ZNF449: variants seen among roughly 807,000 people sequenced by gnomAD.
ZNF449 encodes zinc finger protein 449.
A neutral mutation model predicts 32.6 loss-of-function variants in ZNF449; 4 were observed. That is an observed-to-expected ratio of 0.12 (90% confidence interval 0.06 to 0.28). The LOEUF is 0.28. Ranked by LOEUF, ZNF449 falls within the 10% of genes least tolerant of loss-of-function variation. The pLI, the probability that ZNF449 is intolerant of heterozygous loss-of-function variation, is 1.00. For missense variants in ZNF449, 275 were observed against 383.2 expected, an observed-to-expected ratio of 0.72 and a Z score of 2.36; for synonymous variants, 123 against 132.2, an observed-to-expected ratio of 0.93 and a Z score of 0.48.
chrX:135,353,074 T>G (rs1310091332), intron 3 of ZNF449, among the ~76,000 whole-genome samples: 1 of 111,760 alleles, frequency 8.9e-6, no homozygotes, highest in Non-Finnish European at 1.9e-5. Context: ...CTTGTAGTTG[T>G]TGTGAAGATG....
chrX:135,356,716 G>A (rs1320859209), intron 3 of ZNF449, among the ~76,000 whole-genome samples: 2 of 111,494 alleles, frequency 1.8e-5, no homozygotes, highest in African/African-American at 6.5e-5. Context: ...TATTTCATAT[G>A]TTATATTTGT....
Position 135,363,139 on chromosome X carries a change from T to C in ZNF449, c.*2063T>C, listed in dbSNP as rs1046642. 686 of 112,415 alleles carry C rather than the reference T, an allele frequency of 6.1e-3. 6 individuals carry two copies. The highest frequency in any genetic ancestry group is 0.021 in the African/African-American group (664 of 30,949). 9.3% of individuals were successfully genotyped at this position (112,415 alleles called of 1,213,427 possible). On this transcript the variant is annotated 3_prime_UTR_variant, in exon 5 of 5. Coordinates refer to ENST00000339249, the MANE Select transcript of ZNF449 (RefSeq NM_152695.6). Reference sequence around the variant, plus strand: ...AATATTTGAATAAAGCGGAAATGTATGTGCTCTTCCTGCTTCACTTGCACT... The same window carrying C: ...AATATTTGAATAAAGCGGAAATGTACGTGCTCTTCCTGCTTCACTTGCACT...
At position 135,361,466 on chromosome X, in the gene ZNF449, G is replaced by A. The variant is rs1556454084; in HGVS notation, c.*390G>A. On this transcript the variant is annotated 3_prime_UTR_variant, in exon 5 of 5. Coordinates refer to ENST00000339249, the MANE Select transcript of ZNF449 (RefSeq NM_152695.6). ...ATTATAGCAGTACTATAGTTATTCTGCTGTCATTATTAAAGATGATTATAT... is the reference window on the plus strand; with the variant it reads ...ATTATAGCAGTACTATAGTTATTCTACTGTCATTATTAAAGATGATTATAT... 1 of 119,663 alleles carries A rather than the reference G, an allele frequency of 8.4e-6. No homozygotes were observed. The allele number at this position is 119,663 out of a possible 1,213,427, so 9.9% of individuals were successfully genotyped here.
Position 135,347,415 on chromosome X carries a change from AAG to A in ZNF449, c.300_301del (p.Arg100SerfsTer13). The A allele has an allele frequency of 8.3e-7, 1 of 1,212,016 alleles. No homozygotes were observed. The highest frequency in any genetic ancestry group is 1.1e-6 in the Non-Finnish European group (1 of 895,576). On this transcript the variant is annotated frameshift_variant, in exon 2 of 5. Transcript: ENST00000339249. LOFTEE classifies it high-confidence loss of function. ...VREHCPENRE[R>X]VVSLIEDLQR... ...GGGAGCACTGCCCAGAGAATAGAGA[AAG>A]AGTTGTGTCACTGATAGAAGACTTA...
rs1369535157 is a variant in ZNF449 at position 135,363,368 on chromosome X, C to A, written c.*2292C>A. Among the ~76,000 whole-genome samples the A allele has an allele frequency of 1.8e-5, 2 of 111,916 alleles. No homozygotes were observed. The highest frequency in any genetic ancestry group is 3.3e-5 in the African/African-American group (1 of 30,753). ...TCATAATATGAGTTGCATCCTCCCT[C>A]TCATTTATATCAAATATACTTGACT... On this transcript the variant is annotated 3_prime_UTR_variant, in exon 5 of 5. Coordinates refer to ENST00000339249, the MANE Select transcript of ZNF449 (RefSeq NM_152695.6).
intron 2 of ZNF449, chrX:135,348,120 T>C: frequency 7.7e-6 from 1 of 129,486 alleles, no homozygotes; most frequent in Admixed American, 8.6e-5. Context: ...CTGATAAAGC[T>C]CAAGTACTAC....
At chrX:135,349,374 A>AGGGTTG in intron 3 of ZNF449, 60 bp downstream of exon 3, 1 of 1,115,909 alleles carries the variant, frequency 9.0e-7, no homozygotes, top group Non-Finnish European at 1.2e-6. Flanking sequence ...GGAACTCTCA[A>AGGGTTG]GGGTTGGGGT....
At chrX:135,346,428 A>G (rs889016990) in intron 1 of ZNF449, among the ~76,000 whole-genome samples, 143 of 112,292 alleles carry the variant, frequency 1.3e-3, no homozygotes, top group African/African-American at 4.3e-3. Flanking sequence ...ATTAGGAGAT[A>G]CTTAAAGCTA....
chrX:135,350,003 A>AT (rs552605724), intron 3 of ZNF449, among the ~76,000 whole-genome samples: 2,741 of 81,725 alleles, frequency 0.034, 124 homozygotes, highest in African/African-American at 0.11. Flanking sequence ...GGGGTTTTCT[A>AT]TTTTTTTTTT....
chrX:135,346,344 A>T (rs1209886640), intron 1 of ZNF449, among the ~76,000 whole-genome samples: 2 of 112,164 alleles, frequency 1.8e-5, no homozygotes, highest in African/African-American at 6.5e-5. Flanking sequence ...CTCGGTGAGG[A>T]CAAGAATGAG....
chrX:135,347,485 T>C lies in ZNF449; in HGVS notation c.354+13T>C. The C allele has an allele frequency of 8.3e-7, 1 of 1,210,687 alleles. No individual in the cohort carries two copies. ...ACCAGAGCAGCAGGTAAGAAAAGAA[T>C]GTGGGATCTTTGTGATTGGTCCAAA... On this transcript the variant is annotated intron_variant, in intron 2 of 4. Coordinates refer to ENST00000339249, the MANE Select transcript of ZNF449 (RefSeq NM_152695.6).
At chrX:135,346,933 C>A in intron 1 of ZNF449, 86 bp from the exon 2 acceptor site, 2 of 365,787 alleles carry the variant, frequency 5.5e-6, no homozygotes, top group Non-Finnish European at 9.3e-6. Flanking sequence ...TTAACAGGTT[C>A]TTTGGTAAAA....
chrX:135,349,319 G>T lies in ZNF449; in HGVS notation c.559+5G>T. ...GTCAGAACTTTCTGGACCCTGGTAA[G>T]GCAAGGGTTTCTCTCCTTTCTTTTG... On this transcript the variant is annotated splice_donor_5th_base_variant and intron_variant, in intron 3 of 4. Coordinates refer to ENST00000339249, the MANE Select transcript of ZNF449 (RefSeq NM_152695.6). 3 of 1,207,699 alleles carry T rather than the reference G, an allele frequency of 2.5e-6. No homozygotes were observed. The highest frequency in any genetic ancestry group is 3.4e-6 in the Non-Finnish European group (3 of 892,352).
Position 135,361,145 on chromosome X carries a change from G to A in ZNF449, c.*69G>A, listed in dbSNP as rs572223533. The A allele has an allele frequency of 1.0e-6, 1 of 990,262 alleles. No individual in the cohort carries two copies. The highest frequency in any genetic ancestry group is 3.2e-5 in the East Asian group (1 of 31,384). 81.6% of individuals were successfully genotyped at this position (990,262 alleles called of 1,213,427 possible). A position where few individuals can be genotyped will look rare whatever the true frequency, so the allele number is the denominator to read the frequency against. ...CAAAAAAAATCTTAACCTGCAGCAG[G>A]CTGTTTGTCTTGGAAGCTTTTGTTT... On this transcript the variant is annotated 3_prime_UTR_variant, in exon 5 of 5. Transcript: ENST00000339249.
chrX:135,356,386 A>G (rs1188289689), intron 3 of ZNF449, among the ~76,000 whole-genome samples: 1 of 111,697 alleles, frequency 9.0e-6, no homozygotes, highest in Admixed American at 9.5e-5. Context: ...ATAGTGACTC[A>G]TTGTGGTTTT....
chrX:135,360,019 C>G lies in ZNF449; in HGVS notation c.673+14C>G. The G allele has an allele frequency of 9.1e-7, 1 of 1,101,516 alleles. No individual in the cohort carries two copies. The highest frequency in any genetic ancestry group is 1.2e-6 in the Non-Finnish European group (1 of 811,689). 90.8% of individuals were successfully genotyped at this position (1,101,516 alleles called of 1,213,427 possible). A position where few individuals can be genotyped will look rare whatever the true frequency, so the allele number is the denominator to read the frequency against. On this transcript the variant is annotated intron_variant, in intron 4 of 4. Coordinates refer to ENST00000339249, the MANE Select transcript of ZNF449 (RefSeq NM_152695.6). The stretch of plus-strand genomic sequence containing the variant: ...ATTCCAAGATAGGTAAGTAATTGTT[C>G]TTTGATATACTAGTGGGAAAAAAAA...
rs144200813 is a variant in ZNF449, at chrX:135,360,203, C to G, written c.684C>G (p.Ile228Met). The change falls in exon 5 of 5, where the codon ATC (isoleucine) becomes ATG (methionine). Residue 228 changes from isoleucine (I) to methionine (M), a missense_variant. Transcript: ENST00000339249. The stretch of plus-strand genomic sequence containing the variant: ...TATTTCTTCTCTCAGGTTTTGAGAT[C>G]GGGATAGAAAATGAAGAAGATACTT... Reference protein sequence around the residue: ...QLLDSKIGFEIGIENEEDTSK... With the variant: ...QLLDSKIGFEMGIENEEDTSK... 3 of 1,174,764 alleles carry G rather than the reference C, an allele frequency of 2.6e-6. No individual in the cohort carries two copies. The highest frequency in any genetic ancestry group is 3.4e-6 in the Non-Finnish European group (3 of 881,344).
At chrX:135,359,037 G>A (rs1288595921) in intron 3 of ZNF449, among the ~76,000 whole-genome samples, 4 of 111,578 alleles carry the variant, frequency 3.6e-5, no homozygotes, top group African/African-American at 1.3e-4. Context: ...TTTTACGTCA[G>A]ATTAACATTA....
chrX:135,358,222 GT>G (rs782120023), intron 3 of ZNF449, among the ~76,000 whole-genome samples: 1 of 111,116 alleles, frequency 9.0e-6, no homozygotes, highest in East Asian at 2.8e-4. Context: ...ATATAGAAAT[GT>G]TTCTCCTATG....
Sources: allele counts gnomAD v4.1 joint callset (sites outside exome capture counted in the v4.1 genomes callset), GRCh38; gene constraint gnomAD v4.1.1; transcripts MANE v1.5; gene names NCBI Gene and HGNC (gene_info 2026-07-23, HGNC 2026-07-21).